Variants in RPS6KA2 observed in about 807,000 individuals in gnomAD.
RPS6KA2 encodes the protein ribosomal protein S6 kinase A2.
RPS6KA2 carries 42 observed loss-of-function variants against 91.8 expected under a neutral mutation model. That is an observed-to-expected ratio of 0.46 (90% CI 0.36 to 0.59). The LOEUF is 0.59. Ranked by LOEUF, RPS6KA2 falls within the 20% of genes least tolerant of loss-of-function variation. The probability of loss-of-function intolerance (pLI) is 0.00; values close to 1 mark genes in which losing one functional copy is unlikely to be tolerated. For missense variants in RPS6KA2, 798 were observed against 978.5 expected (o/e 0.82, Z 2.46); for synonymous variants, 414 against 393.6 (o/e 1.05, Z -0.61).
In RPS6KA2 at chr6:166,580,892, T is replaced by TTTTTC. The variant is rs541279480; in HGVS notation, c.100-42113_100-42109dup. On this transcript the variant is annotated intron_variant, in intron 1 of 20. Coordinates refer to ENST00000265678, the MANE Select transcript of RPS6KA2 (RefSeq NM_021135.6). The stretch of plus-strand genomic sequence containing the variant: ...AATGAACAGAAAAAGGGCTGAGGAA[T>TTTTTC]TTTTCTTTTCTTTTCTTTTCTTTTT... Among the ~76,000 whole-genome samples, 284 of 152,236 alleles carry TTTTTC rather than the reference T, an allele frequency of 1.9e-3. 1 individual carries two copies. The highest frequency in any genetic ancestry group is 6.3e-3 in the African/African-American group (262 of 41,546).
At chr6:166,469,537 G>A (rs1016641655) in intron 11 of RPS6KA2, among the ~76,000 whole-genome samples, 4 of 152,132 alleles carry the variant, frequency 2.6e-5, no homozygotes, top group East Asian at 1.9e-4. Flanking sequence ...CGGAGAGGCC[G>A]GGGAGTGGGT....
At chr6:166,468,437 G>A (rs946317360) in intron 11 of RPS6KA2, among the ~76,000 whole-genome samples, 6 of 152,216 alleles carry the variant, frequency 3.9e-5, no homozygotes, top group Admixed American at 1.3e-4. Context: ...TGGGGCTCAG[G>A]CTGAAGGAAG....
intron 2 of RPS6KA2, among the ~76,000 whole-genome samples, chr6:166,846,950 C>T (rs115194275): frequency 0.015 from 2,232 of 151,998 alleles, 64 homozygotes; most frequent in African/African-American, 0.05. Context: ...TAATCGTATA[C>T]CTAGAAAACC....
At chr6:166,578,361 A>G (rs1784904046) in intron 1 of RPS6KA2, among the ~76,000 whole-genome samples, 1 of 152,126 alleles carries the variant, frequency 6.6e-6, no homozygotes, top group Non-Finnish European at 1.5e-5. Flanking sequence ...GGATAGTAGG[A>G]GCAGTTAAGA....
rs995888875 is a variant in RPS6KA2 at position 166,581,587 on chromosome 6, G to A, written c.100-42803C>T. Among the ~76,000 whole-genome samples the A allele has an allele frequency of 2.0e-5, 3 of 152,188 alleles. No homozygotes were observed. The East Asian group carries it at 5.8e-4, about 29-fold the overall frequency. ...GCCGGCTTCGAGTATGCGGGGCAGT[G>A]GGTGGGTATTTCGCTGTGTCCATTT... On this transcript the variant is annotated intron_variant, in intron 1 of 20. Transcript: ENST00000265678.
chr6:166,682,584 G>A (rs1788860316), intron 2 of RPS6KA2, among the ~76,000 whole-genome samples: 1 of 152,198 alleles, frequency 6.6e-6, no homozygotes, highest in Admixed American at 6.5e-5. Flanking sequence ...GTGAGAGGGA[G>A]GAGGGACTCC....
chr6:166,443,945 G>GA (rs965333908), intron 14 of RPS6KA2, among the ~76,000 whole-genome samples: 4 of 152,048 alleles, frequency 2.6e-5, no homozygotes, highest in African/African-American at 7.2e-5. Context: ...TATATTTACT[G>GA]AAAAAAATCT....
intron 2 of RPS6KA2, among the ~76,000 whole-genome samples, chr6:166,652,002 C>G (rs1787868000): frequency 6.6e-6 from 1 of 152,260 alleles, no homozygotes; most frequent in South Asian, 2.1e-4. Context: ...CTTTCACTAA[C>G]CCTTTATTTA....
At chr6:166,631,655 TG>T (rs1787080717), upstream of RPS6KA2, among the ~76,000 whole-genome samples, 1 of 152,244 alleles carries the variant, frequency 6.6e-6, no homozygotes, top group Non-Finnish European at 1.5e-5. Context: ...TCCCTCTGCC[TG>T]GGGCACTCTG....
intron 1 of RPS6KA2, among the ~76,000 whole-genome samples, chr6:166,590,587 TG>T (rs1000649261): frequency 6.6e-6 from 1 of 152,164 alleles, no homozygotes; most frequent in Non-Finnish European, 1.5e-5. Context: ...GGGATTCGTG[TG>T]GAATGAGTTG....
rs1460940833 is a variant in RPS6KA2, at chr6:166,557,805, T to C, written c.100-19021A>G. On this transcript the variant is annotated intron_variant, in intron 1 of 20. Transcript: ENST00000265678. This position sits in a 1 kb window ranked among gnomAD's most constrained non-coding sequence, Gnocchi z 4.8. Reference sequence around the variant, plus strand: ...ACTCTGTGAACCCTCACTATCCTAATATTTTCCATAACAACTTGCAAAACA... The same window carrying C: ...ACTCTGTGAACCCTCACTATCCTAACATTTTCCATAACAACTTGCAAAACA... 2.0e-5 allele frequency among the ~76,000 whole-genome samples: 3 copies of C among 152,302 alleles called. No homozygotes were observed. The East Asian group carries it at 5.8e-4, about 29-fold the overall frequency.
chr6:166,717,476 G>C (rs1050689288), intron 2 of RPS6KA2, among the ~76,000 whole-genome samples: 2 of 152,196 alleles, frequency 1.3e-5, no homozygotes, highest in Non-Finnish European at 1.5e-5. Flanking sequence ...TGGGAAGAAG[G>C]CCAGGGAATT....
chr6:166,690,540 T>A (rs1302403458), intron 2 of RPS6KA2, among the ~76,000 whole-genome samples: 2 of 152,190 alleles, frequency 1.3e-5, no homozygotes, highest in African/African-American at 4.8e-5. Context: ...AAGAACTCCC[T>A]CTATGAGCTC....
chr6:166,718,215 C>G (rs568414501), intron 2 of RPS6KA2, among the ~76,000 whole-genome samples: 6 of 152,312 alleles, frequency 3.9e-5, no homozygotes, highest in Admixed American at 1.3e-4. Context: ...CCTTAAGTAG[C>G]TTTCTGAGCT....
At chr6:166,537,874 C>T (rs1172490398) in intron 2 of RPS6KA2, among the ~76,000 whole-genome samples, 1 of 152,198 alleles carries the variant, frequency 6.6e-6, no homozygotes, top group Non-Finnish European at 1.5e-5. Context: ...TAACAGCTAA[C>T]CCAAGGAGGC....
intron 2 of RPS6KA2, among the ~76,000 whole-genome samples, chr6:166,853,385 G>C (rs770090288): frequency 7.2e-5 from 11 of 152,218 alleles, no homozygotes; most frequent in Non-Finnish European, 1.2e-4. Flanking sequence ...AACATGTAGG[G>C]AACAAAGACG....
At chr6:166,651,575 A>T (rs1261223338) in intron 2 of RPS6KA2, among the ~76,000 whole-genome samples, 4 of 152,232 alleles carry the variant, frequency 2.6e-5, no homozygotes, top group Admixed American at 2.6e-4. Flanking sequence ...TTATCAGAGA[A>T]AAATTTCCTC....
intron 16 of RPS6KA2, among the ~76,000 whole-genome samples, chr6:166,429,919 C>G (rs575204503): frequency 2.1e-4 from 32 of 151,816 alleles, no homozygotes; most frequent in Non-Finnish European, 4.1e-4. Context: ...GGGCCTCCAC[C>G]GAAGAACTAA....
chr6:166,552,326 G>T (rs1000472686), intron 1 of RPS6KA2, among the ~76,000 whole-genome samples: 1 of 152,188 alleles, frequency 6.6e-6, no homozygotes, highest in African/African-American at 2.4e-5. Flanking sequence ...TTGTGAAATG[G>T]TTTAGAGCGG....
Sources: allele counts gnomAD v4.1 joint callset (sites outside exome capture counted in the v4.1 genomes callset), GRCh38; gene constraint gnomAD v4.1.1; non-coding constraint Gnocchi (gnomAD v3.1); transcripts MANE v1.5; gene names NCBI Gene and HGNC (gene_info 2026-07-23, HGNC 2026-07-21).